Variants in CEACAM19 observed in about 807,000 individuals in gnomAD.
CEACAM19 encodes the protein CEA cell adhesion molecule 19.
Under a neutral mutation model 37.6 loss-of-function variants are expected in CEACAM19, and 37 were observed. The observed-to-expected ratio is 0.98, with a 90% CI of 0.76 to 1.29. CEACAM19 has a LOEUF of 1.29. Ranked by LOEUF, CEACAM19 falls within the 50% of genes most tolerant of loss-of-function variation. The pLI, the probability that CEACAM19 is intolerant of heterozygous loss-of-function variation, is 0.00. For missense variants in CEACAM19, 340 were observed against 375.6 expected, an observed-to-expected ratio of 0.91 and a Z score of 0.78; for synonymous variants, 140 against 149.8, an observed-to-expected ratio of 0.93 and a Z score of 0.48.
intron 1 of CEACAM19, among the ~76,000 whole-genome samples, chr19:44,666,435 G>A (rs952967520): frequency 6.6e-6 from 1 of 152,196 alleles, no homozygotes; most frequent in Non-Finnish European, 1.5e-5. Context: ...TTGGGAGGCC[G>A]AGGTGGATTG....
At chr19:44,682,479 G>A (rs1048166832) in intron 6 of CEACAM19, 88 bp from the exon 7 acceptor site, 11 of 1,341,546 alleles carry the variant, frequency 8.2e-6, no homozygotes, top group Non-Finnish European at 1.1e-5. Flanking sequence ...ATGGGGACTT[G>A]GAATCTGAGA....
intron 5 of CEACAM19, among the ~76,000 whole-genome samples, chr19:44,680,967 C>T (rs1974046964): frequency 6.6e-6 from 1 of 151,980 alleles, no homozygotes; most frequent in African/African-American, 2.4e-5. Flanking sequence ...CCCACCCGCC[C>T]CCAGTCCCCC....
chr19:44,676,508 C>T (rs1324409661), intron 3 of CEACAM19, 87 bp downstream of exon 3: 1 of 1,324,330 alleles, frequency 7.6e-7, no homozygotes, highest in African/African-American at 1.5e-5. Context: ...CATCATCCGG[C>T]TCATACACAA....
Position 44,682,578 on chromosome 19 carries a change from A to T in CEACAM19, c.804A>T (p.Thr268=). 3.7e-6 allele frequency: 6 copies of T among 1,602,224 alleles called. No homozygotes were observed. The highest frequency in any genetic ancestry group is 5.1e-6 in the Non-Finnish European group (6 of 1,174,786). ...RSINPARPLP[T]PPHLQAEPEN... ...TCCTTCCCTTGCAGCCCCTGCCCAC[A>T]CCCCCACACCTGCAGGCGGAGCCAG... The change falls in exon 7 of 8, where the codon ACA becomes ACT. Residue 268 remains threonine (T), a synonymous_variant. Coordinates refer to ENST00000358777, the MANE Select transcript of CEACAM19 (RefSeq NM_001127893.3).
At chr19:44,682,432 C>T (rs1013853741) in intron 6 of CEACAM19, 135 bp from the exon 7 acceptor site, 3 of 828,568 alleles carry the variant, frequency 3.6e-6, no homozygotes, top group Admixed American at 4.8e-5. Flanking sequence ...GGAAGCTAAT[C>T]CCCTCTGCCC....
intron 6 of CEACAM19, among the ~76,000 whole-genome samples, chr19:44,682,324 G>T (rs920091867): frequency 6.6e-6 from 1 of 152,172 alleles, no homozygotes; most frequent in African/African-American, 2.4e-5. Flanking sequence ...TGTTGACAGG[G>T]GTAGACTGAG....
chr19:44,666,102 A>C (rs2123779577), intron 1 of CEACAM19: 1 of 152,316 alleles, frequency 6.6e-6, no homozygotes, highest in South Asian at 2.1e-4. Context: ...TTTGAATTTT[A>C]TTCTAAGTAC....
In CEACAM19 at chr19:44,678,843, T is replaced by C. The variant is rs1434175124; in HGVS notation, c.576-10T>C. The C allele has an allele frequency of 1.2e-6, 2 of 1,612,820 alleles. No homozygotes were observed. The highest frequency in any genetic ancestry group is 1.7e-6 in the Non-Finnish European group (2 of 1,179,450). On this transcript the variant is annotated splice_polypyrimidine_tract_variant and intron_variant, in intron 3 of 7. Transcript: ENST00000358777. ...TATTCCAATTTTCTTCCCCTCTCTT[T>C]CCACCCTAGACTGCCTGCTCCGAGG...
intron 1 of CEACAM19, 33 bp downstream of exon 1, chr19:44,672,019 G>C (rs962192654): frequency 6.5e-7 from 1 of 1,542,916 alleles, no homozygotes; most frequent in Admixed American, 1.8e-5. Context: ...AGGCCAAGGG[G>C]AGAAATGGGG....
chr19:44,678,282 A>G (rs1053777469), intron 3 of CEACAM19: 1 of 152,206 alleles, frequency 6.6e-6, no homozygotes, highest in African/African-American at 2.4e-5. Context: ...CACCATGCCT[A>G]GCTTATTTTT....
Position 44,671,689 on chromosome 19 carries a change from A to T in CEACAM19, c.-243A>T. The stretch of plus-strand genomic sequence containing the variant: ...AGAGGGTCAGGGGAGGAGTCCTGGG[A>T]AGTTCCCCAGTCACCCTGAAAAACT... On this transcript the variant is annotated 5_prime_UTR_variant, in exon 1 of 8. Transcript: ENST00000358777. The T allele has an allele frequency of 2.0e-6, 1 of 511,140 alleles. No individual in the cohort carries two copies. Among genetic ancestry groups the T allele is most frequent in the Non-Finnish European group, 3.5e-6 (1 of 285,910 alleles). The allele number at this position is 511,140 out of a possible 1,614,324, so 31.7% of individuals were successfully genotyped here. A position where few individuals can be genotyped will look rare whatever the true frequency, so the allele number is the denominator to read the frequency against.
intron 3 of CEACAM19, 93 bp from the exon 4 acceptor site, chr19:44,678,760 T>G: frequency 1.6e-5 from 20 of 1,255,724 alleles, no homozygotes; most frequent in Non-Finnish European, 2.0e-5. Context: ...CCCTCCCCCC[T>G]CTCCATTTTC....
At chr19:44,668,768 TA>T (rs1973810568), upstream of CEACAM19, among the ~76,000 whole-genome samples, 1 of 113,936 alleles carries the variant, frequency 8.8e-6, no homozygotes, top group Admixed American at 1.3e-4. Context: ...ATATATATAA[TA>T]TAATATATAA....
rs773654996 is a variant in CEACAM19 at position 44,672,682 on chromosome 19, GACCTTCTC to G, written c.143_150del (p.Asp48AlafsTer79). On this transcript the variant is annotated frameshift_variant, in exon 2 of 8. Coordinates refer to ENST00000358777, the MANE Select transcript of CEACAM19 (RefSeq NM_001127893.3). LOFTEE classifies it high-confidence loss of function. ...TCCAGAGCAGCCTCAAAAGAACCAG[GACCTTCTC>G]CTGTCAGTCCAGGGTGTCCCAGACA... is the stretch of plus-strand genomic sequence containing the variant. The G allele has an allele frequency of 3.5e-5, 54 of 1,555,054 alleles. 1 individual carries two copies. Among genetic ancestry groups the G allele is most frequent in the Non-Finnish European group, 4.4e-5 (51 of 1,149,840 alleles).
intron 7 of CEACAM19, chr19:44,682,944 G>A (rs534672029): frequency 2.4e-5 from 8 of 338,336 alleles, no homozygotes; most frequent in East Asian, 1.3e-4. Flanking sequence ...AAACCCCACC[G>A]CAGAGCTCAG....
rs1373713045 is a variant in CEACAM19, at chr19:44,671,831, G to T, written c.-101G>T. ...AGCGGTGTCTCTAAGGCACCCCTGG[G>T]ATCCCCACTGAGCTGGCCTACTTCA... On this transcript the variant is annotated 5_prime_UTR_variant, in exon 1 of 8. Coordinates refer to ENST00000358777, the MANE Select transcript of CEACAM19 (RefSeq NM_001127893.3). 8.9e-6 allele frequency: 9 copies of T among 1,011,802 alleles called. No homozygotes were observed. The highest frequency in any genetic ancestry group is 1.3e-5 in the Non-Finnish European group (9 of 668,034). The allele number at this position is 1,011,802 out of a possible 1,614,324, so 62.7% of individuals were successfully genotyped here.
At chr19:44,680,184 G>A (rs758636226) in intron 4 of CEACAM19, 104 bp from the exon 5 acceptor site, 12 of 880,456 alleles carry the variant, frequency 1.4e-5, no homozygotes, top group Non-Finnish European at 2.2e-5. Context: ...GAGAGACCAT[G>A]TGGCTTTCAG....
rs1226414595 is a variant in CEACAM19 at position 44,683,690 on chromosome 19, C to G, written c.*200C>G. The G allele has an allele frequency of 2.4e-6, 1 of 422,904 alleles. No individual in the cohort carries two copies. Among genetic ancestry groups the G allele is most frequent in the African/African-American group, 2.0e-5 (1 of 49,330 alleles). 26.2% of individuals were successfully genotyped at this position (422,904 alleles called of 1,614,324 possible). The stretch of plus-strand genomic sequence containing the variant: ...GTAACAGGCCCAGGTCCTTGTGCAG[C>G]CCGTGAATGCACGCCCGCCTTCGGT... On this transcript the variant is annotated 3_prime_UTR_variant, in exon 8 of 8. Transcript: ENST00000358777.
chr19:44,669,002 T>C (rs1211725894), upstream of CEACAM19, among the ~76,000 whole-genome samples: 2 of 150,604 alleles, frequency 1.3e-5, no homozygotes, highest in Non-Finnish European at 2.9e-5. Context: ...GCATTTTTAG[T>C]AGAGACAGGG....
Sources: gnomAD v4.1 joint callset for allele counts (sites outside exome capture counted in the v4.1 genomes callset) on GRCh38, gnomAD v4.1.1 for gene constraint, MANE v1.5 for transcripts, NCBI Gene and HGNC (gene_info 2026-07-23, HGNC 2026-07-21) for gene names.